Variants in TNIK observed in about 807,000 individuals in gnomAD.
The protein encoded by TNIK is TRAF2 and NCK interacting kinase, also known as TRAF2 and NCK-interacting protein kinase.
Under a neutral mutation model 191.3 loss-of-function variants are expected in TNIK, and 49 were observed. The ratio of observed to expected loss-of-function variants is 0.26; its 90% CI spans 0.20 to 0.32. TNIK has a LOEUF of 0.32. Ranked by LOEUF, TNIK falls within the 10% of genes least tolerant of loss-of-function variation. TNIK has a pLI of 1.00. For missense variants in TNIK, 1,155 were observed against 1,702.3 expected, an observed-to-expected ratio of 0.68 and a Z score of 5.66; for synonymous variants, 594 against 600.9, an observed-to-expected ratio of 0.99 and a Z score of 0.17.
At chr3:171,443,159 G>T (rs535421500) in intron 1 of TNIK, among the ~76,000 whole-genome samples, 1 of 152,164 alleles carries the variant, frequency 6.6e-6, no homozygotes, top group African/African-American at 2.4e-5. Context: ...AGAAGCAGAG[G>T]CCTTTTAGGA....
intron 4 of TNIK, among the ~76,000 whole-genome samples, chr3:171,199,893 G>T (rs1422938848): frequency 6.6e-6 from 1 of 152,202 alleles, no homozygotes; most frequent in Non-Finnish European, 1.5e-5. Context: ...AATGCGAAAA[G>T]AAAGAGTTTC....
chr3:171,212,082 A>AT (rs1319469811), intron 3 of TNIK, among the ~76,000 whole-genome samples: 1 of 152,014 alleles, frequency 6.6e-6, no homozygotes, highest in Admixed American at 6.6e-5. Flanking sequence ...CCTCAGGATA[A>AT]TTTTTTAGGT....
At chr3:171,321,222 C>A (rs1317992101) in intron 2 of TNIK, among the ~76,000 whole-genome samples, 2 of 152,128 alleles carry the variant, frequency 1.3e-5, no homozygotes, top group African/African-American at 4.8e-5. Flanking sequence ...ACTGGCAAAT[C>A]CAAGAAATTC....
At chr3:171,083,018 C>T (rs754020716) in intron 26 of TNIK, among the ~76,000 whole-genome samples, 1 of 152,182 alleles carries the variant, frequency 6.6e-6, no homozygotes. Flanking sequence ...GTCTCTAAAT[C>T]TAGTGCAGCC....
Position 171,138,250 on chromosome 3 carries a change from GCTT to G in TNIK, c.1546_1548del (p.Lys516del), listed in dbSNP as rs868189080. The G allele has an allele frequency of 2.5e-6, 4 of 1,613,492 alleles. No individual in the cohort carries two copies. The highest frequency in any genetic ancestry group is 1.3e-5 in the African/African-American group (1 of 74,866). ...ATTCCTTCTTTGTAATGGTACAGTG[GCTT>G]CTTCTCCACAGGCCTCTGCTCCTGC... On this transcript the variant is annotated inframe_deletion, in exon 15 of 33. Transcript: ENST00000436636.
At chr3:171,080,971 C>T (rs1258711547) in intron 27 of TNIK, among the ~76,000 whole-genome samples, 1 of 152,168 alleles carries the variant, frequency 6.6e-6, no homozygotes, top group Non-Finnish European at 1.5e-5. Flanking sequence ...TCATTTTCTC[C>T]TTTCCCTATC....
At chr3:171,253,344 C>T (rs1746461846) in intron 2 of TNIK, among the ~76,000 whole-genome samples, 1 of 151,824 alleles carries the variant, frequency 6.6e-6, no homozygotes, top group Non-Finnish European at 1.5e-5. Context: ...TCAAAGCTGT[C>T]CCTCTTGCAG....
chr3:171,276,825 C>A (rs1749807702), intron 2 of TNIK, among the ~76,000 whole-genome samples: 2 of 152,022 alleles, frequency 1.3e-5, no homozygotes, highest in Non-Finnish European at 2.9e-5. Context: ...ATGTTTATTG[C>A]AGTAAAAAGT....
At chr3:171,226,762 C>T (rs952482145) in intron 3 of TNIK, among the ~76,000 whole-genome samples, 19 of 151,870 alleles carry the variant, frequency 1.3e-4, no homozygotes, top group Non-Finnish European at 2.4e-4. Flanking sequence ...ATATATACAA[C>T]TTAAAGAGGA....
rs1715693384 is a variant in TNIK at position 171,366,101 on chromosome 3, G to A, written c.123+3519C>T. Among the ~76,000 whole-genome samples, 1 of 152,176 alleles carries A rather than the reference G, an allele frequency of 6.6e-6. No homozygotes were observed. The highest frequency in any genetic ancestry group is 6.5e-5 in the Admixed American group (1 of 15,276). ...TCCAGATTCCATTAGGTTCCCAATA[G>A]ATGGCATGCCAATAAACAGCCAAGA... On this transcript the variant is annotated intron_variant, in intron 2 of 32. Coordinates refer to ENST00000436636, the MANE Select transcript of TNIK (RefSeq NM_015028.4). This position sits in a 1 kb window ranked among gnomAD's most constrained non-coding sequence, Gnocchi z 4.1.
intron 2 of TNIK, among the ~76,000 whole-genome samples, chr3:171,310,956 T>A (rs1275789431): frequency 1.3e-5 from 2 of 152,178 alleles, no homozygotes; most frequent in Non-Finnish European, 2.9e-5. Context: ...TTAATTCAGA[T>A]CATGTTCTGT....
intron 1 of TNIK, among the ~76,000 whole-genome samples, chr3:171,399,865 T>G (rs974516949): frequency 2.0e-5 from 3 of 152,200 alleles, no homozygotes; most frequent in African/African-American, 7.2e-5. Context: ...CTGTAGCAAG[T>G]ATGCTTTACT....
Position 171,395,774 on chromosome 3 carries a change from G to A in TNIK, c.58-26089C>T, listed in dbSNP as rs888269869. ...AATAAATTGAACGGAGTGAACATCC[G>A]TGTACCCACCACCCTGCTTAGGAAA... On this transcript the variant is annotated intron_variant, in intron 1 of 32. Coordinates refer to ENST00000436636, the MANE Select transcript of TNIK (RefSeq NM_015028.4). 5.3e-5 allele frequency among the ~76,000 whole-genome samples: 8 copies of A among 152,180 alleles called. No individual in the cohort carries two copies. The East Asian group carries it at 1.2e-3, about 22-fold the overall frequency.
At chr3:171,444,039 A>G (rs1218793870) in intron 1 of TNIK, among the ~76,000 whole-genome samples, 3 of 152,108 alleles carry the variant, frequency 2.0e-5, no homozygotes, top group Non-Finnish European at 4.4e-5. Context: ...GAGGTCTTCA[A>G]ATTTACATTT....
chr3:171,182,117 C>T (rs1161333403), intron 7 of TNIK, among the ~76,000 whole-genome samples: 1 of 150,622 alleles, frequency 6.6e-6, no homozygotes, highest in Non-Finnish European at 1.5e-5. Context: ...GTCACATGAC[C>T]TAGTCAATTC....
At chr3:171,247,592 C>T (rs984436653) in intron 2 of TNIK, among the ~76,000 whole-genome samples, 3 of 152,074 alleles carry the variant, frequency 2.0e-5, no homozygotes, top group African/African-American at 7.2e-5. Context: ...GAAGACTGGG[C>T]TTCAGGAGGT....
intron 12 of TNIK, among the ~76,000 whole-genome samples, chr3:171,146,944 G>C (rs991897666): frequency 3.3e-5 from 5 of 150,870 alleles, no homozygotes; most frequent in Admixed American, 2.0e-4. Flanking sequence ...GTTTGACCTT[G>C]AGTAAGTCAC....
intron 7 of TNIK, among the ~76,000 whole-genome samples, chr3:171,182,770 T>G (rs577728161): frequency 6.6e-6 from 1 of 152,226 alleles, no homozygotes; most frequent in East Asian, 1.9e-4. Context: ...CGTTTAGATG[T>G]CTGAACCAGC....
At chr3:171,106,778 A>T (rs1278169027) in intron 21 of TNIK, 1 of 533,814 alleles carries the variant, frequency 1.9e-6, no homozygotes, top group Non-Finnish European at 3.9e-6. Context: ...CCTTGTTCAC[A>T]AATCACACAC....
Sources: gnomAD v4.1 joint callset for allele counts (sites outside exome capture counted in the v4.1 genomes callset) on GRCh38, gnomAD v4.1.1 for gene constraint, Gnocchi (gnomAD v3.1) non-coding constraint, MANE v1.5 for transcripts, NCBI Gene and HGNC (gene_info 2026-07-23, HGNC 2026-07-21) for gene names.